FSTL5: variants seen among roughly 807,000 people sequenced by gnomAD.
FSTL5 encodes follistatin-related protein 5.
In FSTL5, 62 loss-of-function variants were observed where a neutral mutation model predicts 89.1. The observed-to-expected ratio is 0.70, with a 90% CI of 0.57 to 0.86. The LOEUF is 0.86. Among genes scored for constraint, FSTL5 ranks in the 40% least tolerant of loss-of-function variants. The pLI is 0.00. For synonymous variants in FSTL5, 383 were observed against 346.2 expected, an observed-to-expected ratio of 1.11 and a Z score of -1.18; for missense variants, 1,057 against 1,001.6, an observed-to-expected ratio of 1.06 and a Z score of -0.75.
chr4:161,606,079 T>C (rs918564096), intron 7 of FSTL5, among the ~76,000 whole-genome samples: 8 of 149,322 alleles, frequency 5.4e-5, no homozygotes, highest in Admixed American at 3.3e-4. Flanking sequence ...ACAGCGAAGG[T>C]ATCTCAGCTG....
chr4:161,520,647 C>A (rs1425697446), intron 10 of FSTL5, among the ~76,000 whole-genome samples: 1 of 152,030 alleles, frequency 6.6e-6, no homozygotes. Context: ...GAAAAACTAA[C>A]CCTAGAACTG....
At chr4:161,988,499 G>A (rs1736026536) in intron 3 of FSTL5, among the ~76,000 whole-genome samples, 1 of 152,100 alleles carries the variant, frequency 6.6e-6, no homozygotes, top group Non-Finnish European at 1.5e-5. Context: ...TTTTTAATCA[G>A]TTAAAAACTT....
intron 4 of FSTL5, among the ~76,000 whole-genome samples, chr4:161,830,731 A>G (rs964824734): frequency 8.6e-5 from 13 of 152,032 alleles, no homozygotes; most frequent in African/African-American, 2.9e-4. Flanking sequence ...ACAAACAGAC[A>G]TCATGAACCC....
At position 161,948,062 on chromosome 4, in the gene FSTL5, A is replaced by T. The variant is rs150990079; in HGVS notation, c.161-27410T>A. The stretch of plus-strand genomic sequence containing the variant: ...GAGGCCAAGGTGGCAGAATCGCTTG[A>T]GTCCAGGAGTTCAAGGCCAGCCTGG... On this transcript the variant is annotated intron_variant, in intron 3 of 15. Coordinates refer to ENST00000306100, the MANE Select transcript of FSTL5 (RefSeq NM_020116.5). Among the ~76,000 whole-genome samples, 386 of 152,124 alleles carry T rather than the reference A, an allele frequency of 2.5e-3. 2 individuals carry two copies. The highest frequency in any genetic ancestry group is 9.0e-3 in the African/African-American group (372 of 41,514).
intron 10 of FSTL5, among the ~76,000 whole-genome samples, chr4:161,535,874 G>A (rs906848147): frequency 4.0e-5 from 6 of 151,844 alleles, no homozygotes; most frequent in African/African-American, 1.2e-4. Flanking sequence ...AAGAAAATGT[G>A]GTAGATATAC....
chr4:161,978,428 G>T (rs1735725129), intron 3 of FSTL5, among the ~76,000 whole-genome samples: 1 of 151,992 alleles, frequency 6.6e-6, no homozygotes, highest in Non-Finnish European at 1.5e-5. Context: ...ACATTAAACT[G>T]ATTAATATGC....
chr4:161,691,948 C>CACATATATGTAT (rs1737956919), intron 6 of FSTL5, among the ~76,000 whole-genome samples: 1 of 151,568 alleles, frequency 6.6e-6, no homozygotes, highest in African/African-American at 2.4e-5. Flanking sequence ...TATATATGTA[C>CACATATATGTAT]ACATATATGT....
chr4:161,565,975 C>T (rs1226091650), intron 8 of FSTL5, among the ~76,000 whole-genome samples: 1 of 150,782 alleles, frequency 6.6e-6, no homozygotes, highest in East Asian at 2.0e-4. Context: ...ACATTTAGTT[C>T]TTTGAGAAAT....
At chr4:161,755,688 ACTGT>A (rs1740544366) in intron 6 of FSTL5, among the ~76,000 whole-genome samples, 1 of 152,060 alleles carries the variant, frequency 6.6e-6, no homozygotes, top group Non-Finnish European at 1.5e-5. Flanking sequence ...CATTTTGATC[ACTGT>A]CTGTCTGAGA....
chr4:161,403,128 C>A (rs1462473954), intron 15 of FSTL5, among the ~76,000 whole-genome samples: 2 of 152,064 alleles, frequency 1.3e-5, no homozygotes, highest in Non-Finnish European at 2.9e-5. Flanking sequence ...GGCGCCCGGC[C>A]CCCAGAACTA....
intron 3 of FSTL5, among the ~76,000 whole-genome samples, chr4:162,010,563 A>G (rs1057473764): frequency 6.6e-6 from 1 of 152,234 alleles, no homozygotes; most frequent in Non-Finnish European, 1.5e-5. Context: ...TCTCAAAAGC[A>G]ACTCTACACC....
At chr4:161,817,213 A>G (rs1486277374) in intron 4 of FSTL5, among the ~76,000 whole-genome samples, 1 of 152,238 alleles carries the variant, frequency 6.6e-6, no homozygotes, top group East Asian at 1.9e-4. Context: ...TGCGTGTGTC[A>G]TTGTTATAAC....
At chr4:161,817,561 C>T (rs1471258584) in intron 4 of FSTL5, among the ~76,000 whole-genome samples, 2 of 152,132 alleles carry the variant, frequency 1.3e-5, no homozygotes, top group African/African-American at 4.8e-5. Context: ...TTTGTATTCT[C>T]ATTTTTGCCA....
chr4:162,122,817 A>G (rs1420497297), intron 1 of FSTL5, among the ~76,000 whole-genome samples: 20 of 152,148 alleles, frequency 1.3e-4, no homozygotes, highest in Admixed American at 1.2e-3. Context: ...TACGTAAGCT[A>G]CACCTAAGTT....
chr4:161,756,208 G>A (rs1472026992), intron 6 of FSTL5, among the ~76,000 whole-genome samples: 2 of 149,548 alleles, frequency 1.3e-5, no homozygotes, highest in African/African-American at 5.1e-5. Context: ...AAATGATGTT[G>A]TGAACAACAT....
intron 3 of FSTL5, among the ~76,000 whole-genome samples, chr4:161,939,924 A>T (rs1466428505): frequency 6.6e-6 from 1 of 151,868 alleles, no homozygotes; most frequent in African/African-American, 2.4e-5. Flanking sequence ...ACAAACTAAG[A>T]GAATGCTAAG....
At chr4:161,400,033 T>A (rs1014561231) in intron 15 of FSTL5, among the ~76,000 whole-genome samples, 1 of 152,156 alleles carries the variant, frequency 6.6e-6, no homozygotes, top group Non-Finnish European at 1.5e-5. Flanking sequence ...GACTAGTATC[T>A]AAATCTATTA....
At chr4:161,617,514 A>G (rs575870681) in intron 7 of FSTL5, among the ~76,000 whole-genome samples, 10 of 152,326 alleles carry the variant, frequency 6.6e-5, no homozygotes, top group African/African-American at 2.4e-4. Context: ...CAGACCTAAG[A>G]AGCTGAAGAA....
chr4:161,691,414 G>A (rs918573537), intron 6 of FSTL5, among the ~76,000 whole-genome samples: 9 of 151,948 alleles, frequency 5.9e-5, no homozygotes, highest in African/African-American at 1.9e-4. Context: ...CTTTCTACCC[G>A]TGCCACACTT....
Sources: gnomAD v4.1 joint callset for allele counts (sites outside exome capture counted in the v4.1 genomes callset) on GRCh38, gnomAD v4.1.1 for gene constraint, MANE v1.5 for transcripts, NCBI Gene and HGNC (gene_info 2026-07-23, HGNC 2026-07-21) for gene names.